Variants in GALNT13 observed in about 807,000 individuals in gnomAD.
The protein encoded by GALNT13 is UDP-GalNAc:polypeptide N-acetylgalactosaminyltransferase 13.
Under a neutral mutation model 64.2 loss-of-function variants are expected in GALNT13, and 28 were observed. The ratio of observed to expected loss-of-function variants is 0.44; its 90% CI spans 0.32 to 0.60. The LOEUF is 0.60. Ranked by LOEUF, GALNT13 falls within the 20% of genes least tolerant of loss-of-function variation. GALNT13 has a pLI of 0.05. For synonymous variants in GALNT13, 214 were observed against 224.6 expected, an observed-to-expected ratio of 0.95 and a Z score of 0.42; for missense variants, 577 against 669.8, an observed-to-expected ratio of 0.86 and a Z score of 1.53.
At chr2:153,927,611 C>T (rs1430824222) in intron 2 of GALNT13, among the ~76,000 whole-genome samples, 1 of 151,814 alleles carries the variant, frequency 6.6e-6, no homozygotes, top group Non-Finnish European at 1.5e-5. Flanking sequence ...ATTTTAAGTC[C>T]ATGAGGACTT....
the GALNT13 span, among the ~76,000 whole-genome samples, chr2:153,423,690 G>A: frequency 2.0e-5 from 3 of 151,632 alleles, no homozygotes; most frequent in Non-Finnish European, 4.4e-5. Context: ...CAGAAGCAAC[G>A]AGAGTACTAG....
intron 4 of GALNT13, among the ~76,000 whole-genome samples, chr2:154,189,274 A>G (rs1686432442): frequency 6.6e-6 from 1 of 152,132 alleles, no homozygotes; most frequent in African/African-American, 2.4e-5. Flanking sequence ...TAAAAGTTGG[A>G]TAATGTTATG....
intron 4 of GALNT13, among the ~76,000 whole-genome samples, chr2:154,201,281 G>A (rs1385856469): frequency 6.6e-6 from 1 of 152,104 alleles, no homozygotes; most frequent in Non-Finnish European, 1.5e-5. Flanking sequence ...CAGCATGAGA[G>A]AATAATTCTG....
At chr2:153,521,035 A>G in the GALNT13 span, among the ~76,000 whole-genome samples, 9 of 152,284 alleles carry the variant, frequency 5.9e-5, no homozygotes, top group Middle Eastern at 3.4e-3. Flanking sequence ...ACCCTATTTT[A>G]TACTTTTAAA....
the GALNT13 span, among the ~76,000 whole-genome samples, chr2:153,834,693 C>G: frequency 6.6e-6 from 1 of 151,978 alleles, no homozygotes; most frequent in South Asian, 2.1e-4. Flanking sequence ...TATTGAGTCA[C>G]CATTTACAAC....
chr2:153,931,897 C>T (rs1443723916), intron 2 of GALNT13, among the ~76,000 whole-genome samples: 1 of 152,140 alleles, frequency 6.6e-6, no homozygotes, highest in East Asian at 1.9e-4. Context: ...GGGAGGATTT[C>T]TTCCTCCTCA....
chr2:153,938,878 G>A (rs1691138090), intron 2 of GALNT13, among the ~76,000 whole-genome samples: 1 of 152,078 alleles, frequency 6.6e-6, no homozygotes, highest in South Asian at 2.1e-4. Context: ...GATACTAGGG[G>A]TTAGGACTTG....
At chr2:154,368,102 G>T (rs1419609333) in intron 9 of GALNT13, among the ~76,000 whole-genome samples, 1 of 152,036 alleles carries the variant, frequency 6.6e-6, no homozygotes, top group Non-Finnish European at 1.5e-5. Flanking sequence ...TCTATATATA[G>T]CTCCAGTGAA....
the GALNT13 span, among the ~76,000 whole-genome samples, chr2:153,682,756 A>G: frequency 1.3e-5 from 2 of 151,796 alleles, no homozygotes; most frequent in Non-Finnish European, 3.0e-5. Context: ...TATTTGGACA[A>G]AAAGTTAAAT....
chr2:153,643,036 A>T, the GALNT13 span, among the ~76,000 whole-genome samples: 1 of 151,584 alleles, frequency 6.6e-6, no homozygotes, highest in Non-Finnish European at 1.5e-5. Flanking sequence ...ATAATCTGTG[A>T]GGTGTAGTAG....
At chr2:154,133,374 C>T (rs1682735075) in intron 3 of GALNT13, among the ~76,000 whole-genome samples, 1 of 151,476 alleles carries the variant, frequency 6.6e-6, no homozygotes, top group Admixed American at 6.6e-5. Flanking sequence ...TCTAATTAAA[C>T]CCATTAAGTC....
chr2:153,626,891 A>T, the GALNT13 span, among the ~76,000 whole-genome samples: 1 of 152,150 alleles, frequency 6.6e-6, no homozygotes, highest in Non-Finnish European at 1.5e-5. Flanking sequence ...TACTTCCTGG[A>T]CTTAATCCCA....
chr2:153,348,394 A>T, the GALNT13 span, among the ~76,000 whole-genome samples: 1 of 152,204 alleles, frequency 6.6e-6, no homozygotes, highest in Admixed American at 6.5e-5. Flanking sequence ...GCACCTTCAG[A>T]TGATGAATTC....
intron 3 of GALNT13, among the ~76,000 whole-genome samples, chr2:154,032,623 GTAAT>G (rs1476722167): frequency 3.3e-5 from 5 of 151,784 alleles, no homozygotes; most frequent in Non-Finnish European, 7.4e-5. Flanking sequence ...GAAAATCAAT[GTAAT>G]TAATCATATT....
intron 3 of GALNT13, among the ~76,000 whole-genome samples, chr2:154,130,206 G>A (rs12693925): frequency 0.2 from 30,884 of 152,080 alleles, 4,040 homozygotes; most frequent in Middle Eastern, 0.32. Flanking sequence ...ACCCCACAGA[G>A]AAGAACTATG....
intron 3 of GALNT13, among the ~76,000 whole-genome samples, chr2:154,062,511 C>G (rs1396952881): frequency 6.6e-6 from 1 of 152,118 alleles, no homozygotes; most frequent in Non-Finnish European, 1.5e-5. Flanking sequence ...TGGGAGGCCT[C>G]TAGAAACTTA....
intron 8 of GALNT13, among the ~76,000 whole-genome samples, chr2:154,268,938 A>G (rs1691172159): frequency 6.6e-6 from 1 of 152,116 alleles, no homozygotes; most frequent in Non-Finnish European, 1.5e-5. Context: ...TTTAATTAAC[A>G]AGATCGAATT....
chr2:153,765,884 T>G, the GALNT13 span, among the ~76,000 whole-genome samples: 8 of 152,162 alleles, frequency 5.3e-5, no homozygotes, highest in African/African-American at 1.9e-4. Flanking sequence ...GAGTCCCCCT[T>G]CACAAATTCT....
intron 1 of GALNT13, among the ~76,000 whole-genome samples, chr2:153,893,485 A>AT (rs1173314964): frequency 1.3e-5 from 2 of 152,000 alleles, no homozygotes; most frequent in South Asian, 2.1e-4. Context: ...AATTACTTAC[A>AT]TTTTTACACC....
Sources: gnomAD v4.1 joint callset for allele counts (sites outside exome capture counted in the v4.1 genomes callset) on GRCh38, gnomAD v4.1.1 for gene constraint, MANE v1.5 for transcripts, NCBI Gene and HGNC (gene_info 2026-07-23, HGNC 2026-07-21) for gene names.